Variants in GRID2 observed in about 807,000 individuals in gnomAD.
GRID2 encodes glutamate ionotropic receptor delta type subunit 2.
GRID2 carries 33 observed loss-of-function variants against 114.8 expected under a neutral mutation model. The observed-to-expected ratio is 0.29, with a 90% CI of 0.22 to 0.38. The LOEUF (loss-of-function observed/expected upper bound fraction) is 0.38, where lower values mean the gene tolerates loss of function less well. GRID2 is among the 10% of genes least tolerant of loss of function. GRID2 has a pLI of 1.00. For synonymous variants in GRID2, 505 were observed against 449.9 expected, an observed-to-expected ratio of 1.12 and a Z score of -1.55; for missense variants, 1,184 against 1,257.7, an observed-to-expected ratio of 0.94 and a Z score of 0.89.
chr4:92,469,083 A>C (rs781451532), intron 1 of GRID2, among the ~76,000 whole-genome samples: 4 of 152,126 alleles, frequency 2.6e-5, no homozygotes, highest in Non-Finnish European at 5.9e-5. Context: ...CTTAATTTCT[A>C]TTATTTTTGA....
At chr4:93,510,241 C>T (rs1448979614) in intron 12 of GRID2, among the ~76,000 whole-genome samples, 5 of 152,158 alleles carry the variant, frequency 3.3e-5, no homozygotes, top group Non-Finnish European at 7.3e-5. Flanking sequence ...TTCCCCAAAG[C>T]CAGCTGTCAG....
chr4:93,507,764 C>T (rs781326518), intron 12 of GRID2, among the ~76,000 whole-genome samples: 2 of 152,094 alleles, frequency 1.3e-5, no homozygotes, highest in Non-Finnish European at 2.9e-5. Flanking sequence ...ACAGACTATA[C>T]CCTCAGCTTT....
intron 2 of GRID2, among the ~76,000 whole-genome samples, chr4:92,680,014 A>C (rs551585733): frequency 4.6e-5 from 7 of 152,110 alleles, no homozygotes; most frequent in African/African-American, 1.4e-4. Context: ...ACTCAATTCA[A>C]CTTTCCTGGC....
At chr4:93,439,632 G>T (rs1482031557) in intron 10 of GRID2, among the ~76,000 whole-genome samples, 1 of 152,104 alleles carries the variant, frequency 6.6e-6, no homozygotes, top group African/African-American at 2.4e-5. Context: ...GGAAGATCAT[G>T]CACAGAATGA....
intron 14 of GRID2, among the ~76,000 whole-genome samples, chr4:93,767,895 T>TA (rs1733798918): frequency 6.6e-6 from 1 of 152,210 alleles, no homozygotes; most frequent in African/African-American, 2.4e-5. Flanking sequence ...TGCATTAAAC[T>TA]AAAACCTGTT....
At chr4:93,232,154 G>C (rs917736819) in intron 7 of GRID2, among the ~76,000 whole-genome samples, 2 of 152,050 alleles carry the variant, frequency 1.3e-5, no homozygotes, top group Non-Finnish European at 2.9e-5. Flanking sequence ...GTAAATGTAA[G>C]ACACTAAATA....
Position 93,455,924 on chromosome 4 carries a change from C to T in GRID2, c.1808C>T (p.Thr603Ile). The T allele has an allele frequency of 1.2e-6, 2 of 1,611,592 alleles. No homozygotes were observed. Among genetic ancestry groups the T allele is most frequent in the East Asian group, 4.5e-5 (2 of 44,842 alleles). The change falls in exon 11 of 16, where the codon ACT (threonine) becomes ATT (isoleucine). Residue 603 changes from threonine to isoleucine, a missense_variant. Coordinates refer to ENST00000282020, the MANE Select transcript of GRID2 (RefSeq NM_001510.4). ...TTACAAATGGGATCAATGACGTCTA[C>T]TACTCTCTACAACTCCATGTGGTTT... ...PRLQMGSMTS[T>I]TLYNSMWFVY...
At chr4:93,781,864 G>A (rs1196315212) in intron 1 of GRID2, among the ~76,000 whole-genome samples, 1 of 152,088 alleles carries the variant, frequency 6.6e-6, no homozygotes, top group Non-Finnish European at 1.5e-5. Flanking sequence ...CCAGAGGTCT[G>A]ACTGCATTTG....
At chr4:93,800,788 T>C (rs925719818) in intron 1 of GRID2, among the ~76,000 whole-genome samples, 6 of 152,114 alleles carry the variant, frequency 3.9e-5, no homozygotes, top group African/African-American at 1.4e-4. Context: ...ATTTAGCCAA[T>C]ATTTGAATAA....
At chr4:92,621,300 G>A (rs143021138) in intron 2 of GRID2, among the ~76,000 whole-genome samples, 1,673 of 151,856 alleles carry the variant, frequency 0.011, 26 homozygotes, top group African/African-American at 0.037. Flanking sequence ...GTCTGAGGGT[G>A]AAAAGTTAAA....
intron 13 of GRID2, among the ~76,000 whole-genome samples, chr4:93,586,918 G>C (rs1261060121): frequency 6.6e-6 from 1 of 151,902 alleles, no homozygotes; most frequent in African/African-American, 2.4e-5. Context: ...AAAATTCATG[G>C]AAGAATACAT....
chr4:93,170,977 A>C (rs1738758929), intron 4 of GRID2, among the ~76,000 whole-genome samples: 1 of 151,728 alleles, frequency 6.6e-6, no homozygotes, highest in African/African-American at 2.4e-5. Flanking sequence ...ACCATCATGT[A>C]CTCCTGCCTG....
At chr4:92,764,232 T>C (rs1738154130) in intron 2 of GRID2, among the ~76,000 whole-genome samples, 1 of 152,126 alleles carries the variant, frequency 6.6e-6, no homozygotes, top group Non-Finnish European at 1.5e-5. Context: ...GGCAAACACA[T>C]TCTTTAACCT....
chr4:93,473,938 T>C (rs1004103165), intron 11 of GRID2, among the ~76,000 whole-genome samples: 2 of 151,956 alleles, frequency 1.3e-5, no homozygotes, highest in Non-Finnish European at 2.9e-5. Context: ...AGAAGTAGGG[T>C]GAATGAATGC....
At chr4:93,487,513 C>T in intron 11 of GRID2, among the ~76,000 whole-genome samples, 1 of 151,756 alleles carries the variant, frequency 6.6e-6, no homozygotes, top group East Asian at 2.0e-4. Context: ...TTTCATTTCT[C>T]TGGTGATTTT....
intron 2 of GRID2, among the ~76,000 whole-genome samples, chr4:92,984,259 A>G (rs555092826): frequency 5.3e-5 from 8 of 152,330 alleles, no homozygotes; most frequent in Admixed American, 1.3e-4. Context: ...TTCCTCTGCC[A>G]CCATAGAGTT....
At chr4:92,465,790 A>G (rs1721722641) in intron 1 of GRID2, among the ~76,000 whole-genome samples, 1 of 151,928 alleles carries the variant, frequency 6.6e-6, no homozygotes, top group African/African-American at 2.4e-5. Context: ...GGTCAGTTCA[A>G]TTTTCTACCC....
At chr4:93,569,468 C>A (rs902808156) in intron 13 of GRID2, among the ~76,000 whole-genome samples, 20 of 152,144 alleles carry the variant, frequency 1.3e-4, no homozygotes, top group Admixed American at 9.2e-4. Context: ...TCAAAGCTTC[C>A]ATAATTTTAC....
chr4:92,902,910 C>A (rs2149482199), intron 2 of GRID2, among the ~76,000 whole-genome samples: 1 of 151,930 alleles, frequency 6.6e-6, no homozygotes, highest in East Asian at 1.9e-4. Context: ...ACACATGGAT[C>A]TATGTGTTGA....
Sources: gnomAD v4.1 joint callset for allele counts (sites outside exome capture counted in the v4.1 genomes callset) on GRCh38, gnomAD v4.1.1 for gene constraint, MANE v1.5 for transcripts, NCBI Gene and HGNC (gene_info 2026-07-23, HGNC 2026-07-21) for gene names.